GSPT1: variants seen among roughly 807,000 people sequenced by gnomAD.
GSPT1 encodes the protein eukaryotic peptide chain release factor GTP-binding subunit ERF3A.
GSPT1 carries 20 observed loss-of-function variants against 72.5 expected under a neutral mutation model. The observed-to-expected ratio is 0.28, with a 90% CI of 0.19 to 0.40. The LOEUF is 0.40. Among genes scored for constraint, GSPT1 ranks in the 10% least tolerant of loss-of-function variants. The pLI, the probability that GSPT1 is intolerant of heterozygous loss-of-function variation, is 1.00. For synonymous variants in GSPT1, 334 were observed against 293.5 expected, an observed-to-expected ratio of 1.14 and a Z score of -1.41; for missense variants, 580 against 811.9, an observed-to-expected ratio of 0.71 and a Z score of 3.47.
intron 5 of GSPT1, among the ~76,000 whole-genome samples, chr16:11,892,506 C>CAAAAAAAAAAAAAAAAA (rs777010436): frequency 2.2e-4 from 13 of 60,220 alleles, no homozygotes; most frequent in South Asian, 6.1e-4. Context: ...GACCCTTTCT[C>CAAAAAAAAAAAAAAAAA]AAAAAAACAA....
At chr16:11,885,345 A>G (rs2054174871) in intron 9 of GSPT1, 71 bp from the exon 10 acceptor site, 5 of 737,496 alleles carry the variant, frequency 6.8e-6, no homozygotes, top group South Asian at 4.4e-5. Flanking sequence ...ACATGACTAT[A>G]AACAGCTTCT....
intron 4 of GSPT1, among the ~76,000 whole-genome samples, chr16:11,896,311 T>C (rs1293256698): frequency 6.6e-6 from 1 of 152,218 alleles, no homozygotes; most frequent in Non-Finnish European, 1.5e-5. Context: ...ATAGACTAAT[T>C]ATATGTTACG....
intron 1 of GSPT1, among the ~76,000 whole-genome samples, chr16:11,912,645 T>G (rs1021008310): frequency 3.3e-5 from 5 of 152,268 alleles, no homozygotes; most frequent in African/African-American, 1.2e-4. Context: ...AACCCTAAAA[T>G]TACTAAACCA....
At chr16:11,874,454 C>CTTTTTTTTTTTTTTTTTTTTTTTTT in intron 14 of GSPT1, among the ~76,000 whole-genome samples, 1 of 95,892 alleles carries the variant, frequency 1.0e-5, no homozygotes, top group Non-Finnish European at 2.0e-5. Context: ...GCCAAGTTAG[C>CTTTTTTTTTTTTTTTTTTTTTTTTT]TTTTTTTTTT....
rs2054065164 is a variant in GSPT1 at position 11,877,656 on chromosome 16, G to C, written c.1429-76C>G. The C allele has an allele frequency of 3.5e-6, 3 of 847,816 alleles. No individual in the cohort carries two copies. Among genetic ancestry groups the C allele is most frequent in the East Asian group, 2.9e-5 (1 of 34,828 alleles). 52.5% of individuals were successfully genotyped at this position (847,816 alleles called of 1,614,324 possible). ...GCAACATAAAATGATCTGAATGTCT[G>C]TCTGCTCAATAAAGAGTTGCAAGAT... On this transcript the variant is annotated intron_variant, in intron 11 of 14. Coordinates refer to ENST00000434724, the MANE Select transcript of GSPT1 (RefSeq NM_002094.4). The surrounding 1 kb of genome is among the most constrained non-coding windows in gnomAD (Gnocchi z 4.0).
chr16:11,889,188 G>A (rs529116496), intron 6 of GSPT1, among the ~76,000 whole-genome samples: 58 of 151,898 alleles, frequency 3.8e-4, no homozygotes, highest in African/African-American at 1.2e-3. Flanking sequence ...GGTGCCTGTA[G>A]TCCCAGCTAC....
At chr16:11,895,981 A>G (rs1456027122) in intron 4 of GSPT1, among the ~76,000 whole-genome samples, 1 of 152,226 alleles carries the variant, frequency 6.6e-6, no homozygotes, top group Non-Finnish European at 1.5e-5. Context: ...ACAGTGTTTC[A>G]TATCTGGGGG....
At chr16:11,905,422 T>C (rs989671309) in intron 1 of GSPT1, among the ~76,000 whole-genome samples, 1 of 152,200 alleles carries the variant, frequency 6.6e-6, no homozygotes, top group South Asian at 2.1e-4. Context: ...TCTCCTTAAT[T>C]GTAGTACACA....
chr16:11,902,105 A>C (rs1414416885), intron 1 of GSPT1, among the ~76,000 whole-genome samples: 12 of 136,688 alleles, frequency 8.8e-5, no homozygotes, highest in Non-Finnish European at 1.6e-4. Context: ...AAAAAAAGCC[A>C]GGCACGGTGG....
rs367625280 is a variant in GSPT1 at position 11,915,805 on chromosome 16, C to G, written c.-85G>C. 4.4e-4 allele frequency: 693 copies of G among 1,572,840 alleles called. 3 individuals carry two copies. The African/African-American group carries it at 7.9e-3, about 18-fold the overall frequency. On this transcript the variant is annotated 5_prime_UTR_variant, in exon 1 of 15. Transcript: ENST00000434724. Reference sequence around the variant, plus strand: ...GCCGGAGAGGAGTGGGCAACGCTGACTGAGGGAAGGCGGCGGGGCAGAAGG... The same window carrying G: ...GCCGGAGAGGAGTGGGCAACGCTGAGTGAGGGAAGGCGGCGGGGCAGAAGG...
Position 11,876,111 on chromosome 16 carries a change from G to C in GSPT1, c.1667C>G (p.Thr556Ser). 1 of 1,604,374 alleles carries C rather than the reference G, an allele frequency of 6.2e-7. No homozygotes were observed. The highest frequency in any genetic ancestry group is 8.5e-7 in the Non-Finnish European group (1 of 1,171,190). The change falls in exon 13 of 15, where the codon ACC becomes AGC. Residue 556 changes from threonine to serine, a missense_variant. Transcript: ENST00000434724. Reference sequence around the variant, plus strand: ...TGTTATTTCCACCTCCTCAATACAGGTATGAATATGCAGCACCGCATTATA... The same window carrying C: ...TGTTATTTCCACCTCCTCAATACAGCTATGAATATGCAGCACCGCATTATA... ...PGYNAVLHIH[T>S]CIEEVEITAL... is the part of the protein sequence containing the mutation.
chr16:11,904,385 G>T (rs749739016), intron 1 of GSPT1, among the ~76,000 whole-genome samples: 4 of 151,960 alleles, frequency 2.6e-5, no homozygotes, highest in Non-Finnish European at 5.9e-5. Flanking sequence ...TGTATTTTTA[G>T]TAGAGATGGG....
chr16:11,892,687 G>T (rs1020718926), intron 5 of GSPT1, among the ~76,000 whole-genome samples: 11 of 151,038 alleles, frequency 7.3e-5, no homozygotes, highest in African/African-American at 2.7e-4. Flanking sequence ...AAATTAGCCA[G>T]ACGTGGTGGT....
intron 3 of GSPT1, 120 bp from the exon 4 acceptor site, chr16:11,896,905 A>C (rs1037105256): frequency 1.5e-6 from 1 of 679,436 alleles, no homozygotes; most frequent in Non-Finnish European, 2.5e-6. Context: ...CCTAATGCCT[A>C]GTGACACATA....
chr16:11,895,346 G>A (rs886957304), intron 4 of GSPT1: 14 of 175,298 alleles, frequency 8.0e-5, no homozygotes, highest in South Asian at 2.5e-4. Context: ...CAGGAGAATC[G>A]CGTGAACTCG....
intron 1 of GSPT1, among the ~76,000 whole-genome samples, chr16:11,905,192 A>G (rs1354603604): frequency 1.3e-5 from 2 of 152,224 alleles, no homozygotes; most frequent in Non-Finnish European, 2.9e-5. Context: ...GCATGAAAGT[A>G]AGAAATATGT....
At chr16:11,888,949 T>A (rs1181385372) in intron 6 of GSPT1, among the ~76,000 whole-genome samples, 1 of 152,162 alleles carries the variant, frequency 6.6e-6, no homozygotes, top group Non-Finnish European at 1.5e-5. Context: ...ATTACTTCAT[T>A]TTTATACTCA....
chr16:11,910,157 C>A (rs2054540290), intron 1 of GSPT1, among the ~76,000 whole-genome samples: 1 of 152,112 alleles, frequency 6.6e-6, no homozygotes, highest in Non-Finnish European at 1.5e-5. Context: ...CAGGCTTTGG[C>A]TGCAACTCTG....
intron 9 of GSPT1, 128 bp downstream of exon 9, chr16:11,886,343 C>G: frequency 1.7e-6 from 1 of 595,196 alleles, no homozygotes; most frequent in African/African-American, 1.9e-5. Flanking sequence ...TTAATATTTT[C>G]TTAAATTACT....
Sources: allele counts gnomAD v4.1 joint callset (sites outside exome capture counted in the v4.1 genomes callset), GRCh38; gene constraint gnomAD v4.1.1; non-coding constraint Gnocchi (gnomAD v3.1); transcripts MANE v1.5; gene names NCBI Gene and HGNC (gene_info 2026-07-23, HGNC 2026-07-21).